The following DSTYK variants were observed in gnomAD, a reference collection of about 807,000 sequenced individuals.
DSTYK encodes the protein dual serine/threonine and tyrosine protein kinase.
DSTYK carries 34 observed loss-of-function variants against 98.7 expected under a neutral mutation model. That is an observed-to-expected ratio of 0.34 (90% CI 0.26 to 0.46). DSTYK has a LOEUF of 0.46. Among genes scored for constraint, DSTYK ranks in the 20% least tolerant of loss-of-function variants. The probability of loss-of-function intolerance (pLI) is 1.00; values close to 1 mark genes in which losing one functional copy is unlikely to be tolerated. For synonymous variants in DSTYK, 462 were observed against 457.3 expected (o/e 1.01, Z -0.13); for missense variants, 962 against 1,181.7 (o/e 0.81, Z 2.73).
intron 1 of DSTYK, among the ~76,000 whole-genome samples, chr1:205,200,681 C>T (rs1196758104): frequency 6.6e-6 from 1 of 152,128 alleles, no homozygotes; most frequent in Admixed American, 6.5e-5. Context: ...AGTGGTTCAC[C>T]AATGCGTGTC....
chr1:205,175,031 C>T (rs1191164793), intron 2 of DSTYK, among the ~76,000 whole-genome samples: 1 of 151,804 alleles, frequency 6.6e-6, no homozygotes, highest in Non-Finnish European at 1.5e-5. Flanking sequence ...GCCACCGTGC[C>T]CTGCCATGGA....
intron 12 of DSTYK, among the ~76,000 whole-genome samples, 155 bp downstream of exon 12, chr1:205,148,050 C>A (rs529606737): frequency 6.6e-6 from 1 of 152,300 alleles, no homozygotes; most frequent in South Asian, 2.1e-4. Context: ...CAAAGGTTGA[C>A]TTAAATATCT....
At chr1:205,159,237 G>A (rs2102396093) in intron 9 of DSTYK, among the ~76,000 whole-genome samples, 2 of 152,102 alleles carry the variant, frequency 1.3e-5, no homozygotes, top group South Asian at 4.2e-4. Context: ...CTACAGGTAT[G>A]AGCCACCATA....
At position 205,183,287 on chromosome 1, in the gene DSTYK, C is replaced by A. The variant is rs76360931; in HGVS notation, c.654+4131G>T. Among the ~76,000 whole-genome samples, 1,308 of 152,152 alleles carry A rather than the reference C, an allele frequency of 8.6e-3. 22 individuals are homozygous for A. Among genetic ancestry groups the A allele is most frequent in the African/African-American group, 0.03 (1,252 of 41,516 alleles). ...ATATGGTGAATGGTGAAATGTGCTG[C>A]CAATTGGAAAGTGACTATATTTGAA... On this transcript the variant is annotated intron_variant, in intron 2 of 12. Coordinates refer to ENST00000367162, the MANE Select transcript of DSTYK (RefSeq NM_015375.3).
intron 1 of DSTYK, among the ~76,000 whole-genome samples, chr1:205,201,404 G>GAAA (rs1491178320): frequency 3.9e-4 from 21 of 54,404 alleles, no homozygotes; most frequent in Non-Finnish European, 6.7e-4. Flanking sequence ...TTTTTTTAAT[G>GAAA]CAAAAAAAAA....
rs1378654163 is a variant in DSTYK at position 205,145,853 on chromosome 1, T to G, written c.*1705A>C. The stretch of plus-strand genomic sequence containing the variant: ...CGTCTACCTGTTTTTCGGAATCTAA[T>G]GGACCAGTTTGGTTGAGGAAGGCTT... On this transcript the variant is annotated 3_prime_UTR_variant, in exon 13 of 13. Coordinates refer to ENST00000367162, the MANE Select transcript of DSTYK (RefSeq NM_015375.3). 2.0e-5 allele frequency: 3 copies of G among 152,220 alleles called. No individual in the cohort carries two copies. The highest frequency in any genetic ancestry group is 7.2e-5 in the African/African-American group (3 of 41,466). 9.4% of individuals were successfully genotyped at this position (152,220 alleles called of 1,614,324 possible).
At chr1:205,189,562 T>C (rs763855025) in intron 1 of DSTYK, among the ~76,000 whole-genome samples, 4 of 152,222 alleles carry the variant, frequency 2.6e-5, no homozygotes, top group Non-Finnish European at 4.4e-5. Context: ...ATTTTGTTTG[T>C]TTCCAGAATT....
intron 1 of DSTYK, among the ~76,000 whole-genome samples, chr1:205,208,456 T>G (rs1219319351): frequency 2.0e-5 from 3 of 152,230 alleles, no homozygotes; most frequent in Non-Finnish European, 4.4e-5. Flanking sequence ...AATACCATAC[T>G]ACATCAACCT....
chr1:205,160,305 A>G (rs1657678992), intron 7 of DSTYK, 35 bp from the exon 8 acceptor site: 4 of 1,582,768 alleles, frequency 2.5e-6, no homozygotes, highest in African/African-American at 1.4e-5. Flanking sequence ...AGGCAGGAGG[A>G]ATGGGAACTT....
chr1:205,193,673 C>G (rs1373308796), intron 1 of DSTYK, among the ~76,000 whole-genome samples: 1 of 152,100 alleles, frequency 6.6e-6, no homozygotes, highest in African/African-American at 2.4e-5. Context: ...GAGTTCGAGA[C>G]CAGCCTGGCC....
chr1:205,186,278 C>T (rs952143683), intron 2 of DSTYK, among the ~76,000 whole-genome samples: 1 of 152,178 alleles, frequency 6.6e-6, no homozygotes, highest in African/African-American at 2.4e-5. Context: ...GAAATGTGAA[C>T]TCTCAGTTTG....
At chr1:205,205,010 T>C (rs1311813418) in intron 1 of DSTYK, among the ~76,000 whole-genome samples, 1 of 152,206 alleles carries the variant, frequency 6.6e-6, no homozygotes, top group African/African-American at 2.4e-5. Flanking sequence ...CACTGAATGC[T>C]GCTTCCATGA....
In DSTYK at chr1:205,211,519, A is replaced by T. The variant is rs1230702643; in HGVS notation, c.17T>A (p.Val6Glu). The T allele has an allele frequency of 1.3e-6, 2 of 1,551,884 alleles. No homozygotes were observed. The highest frequency in any genetic ancestry group is 2.4e-5 in the South Asian group (2 of 83,408). Residue 6 changes from valine (V) to glutamate (E), a missense_variant, in exon 1 of 13, where the codon GTG (valine) becomes GAG (glutamate). This residue lies in a region of DSTYK where 168 missense variants were observed against 120.0 expected (regional missense o/e 1.40). Coordinates refer to ENST00000367162, the MANE Select transcript of DSTYK (RefSeq NM_015375.3). The stretch of plus-strand genomic sequence containing the variant: ...CGAGACGGGCTCGCTGCCCCATGGC[A>T]CCCCGTCGCCCTCCATCGCCTCTGC... MEGDG[V>E]PWGSEPVSGP... is the part of the protein sequence containing the mutation.
chr1:205,149,774 T>C (rs950432847), intron 11 of DSTYK, among the ~76,000 whole-genome samples: 3 of 152,236 alleles, frequency 2.0e-5, no homozygotes, highest in African/African-American at 7.2e-5. Flanking sequence ...TTGATTCTTC[T>C]GTGGGAATTT....
At chr1:205,185,712 G>A (rs1313527825) in intron 2 of DSTYK, among the ~76,000 whole-genome samples, 2 of 152,180 alleles carry the variant, frequency 1.3e-5, no homozygotes, top group Non-Finnish European at 2.9e-5. Context: ...GAAAATGTAT[G>A]TCTTACAGTG....
chr1:205,199,042 A>T (rs549277555), intron 1 of DSTYK, among the ~76,000 whole-genome samples: 19 of 152,234 alleles, frequency 1.2e-4, no homozygotes, highest in Admixed American at 2.6e-4. Context: ...GAATTTTTTT[A>T]AAAAATCAAA....
chr1:205,179,751 T>C (rs1348193933), intron 2 of DSTYK, among the ~76,000 whole-genome samples: 1 of 151,316 alleles, frequency 6.6e-6, no homozygotes, highest in Non-Finnish European at 1.5e-5. Flanking sequence ...ATATCCTCTA[T>C]GGATTGGCTG....
At chr1:205,205,432 T>C (rs1309787431) in intron 1 of DSTYK, among the ~76,000 whole-genome samples, 1 of 152,018 alleles carries the variant, frequency 6.6e-6, no homozygotes, top group Non-Finnish European at 1.5e-5. Context: ...AAAATGCCTA[T>C]TTATTTTATT....
chr1:205,150,444 C>A lies in DSTYK; in HGVS notation c.2467+236G>T, dbSNP rs1657369118. ...AATTGGCTGATTATGGCAGTTATGG[C>A]ACTAATAACCGAGAGAGATGTCCAA... On this transcript the variant is annotated intron_variant, in intron 11 of 12. Coordinates refer to ENST00000367162, the MANE Select transcript of DSTYK (RefSeq NM_015375.3). The surrounding 1 kb of genome is among the most constrained non-coding windows in gnomAD (Gnocchi z 4.1). Among the ~76,000 whole-genome samples, 1 of 152,096 alleles carries A rather than the reference C, an allele frequency of 6.6e-6. No individual in the cohort carries two copies. Among genetic ancestry groups the A allele is most frequent in the African/African-American group, 2.4e-5 (1 of 41,410 alleles).
Sources: allele counts gnomAD v4.1 joint callset (sites outside exome capture counted in the v4.1 genomes callset), GRCh38; gene constraint gnomAD v4.1.1; regional missense constraint gnomAD v4.1.1; non-coding constraint Gnocchi (gnomAD v3.1); transcripts MANE v1.5; gene names NCBI Gene and HGNC (gene_info 2026-07-23, HGNC 2026-07-21).